The following DOCK1 variants were observed in gnomAD, a reference collection of about 807,000 sequenced individuals.
DOCK1 encodes dedicator of cytokinesis 1.
DOCK1 carries 138 observed loss-of-function variants against 262.7 expected under a neutral mutation model. That is an observed-to-expected ratio of 0.53 (90% CI 0.46 to 0.61). The LOEUF is 0.61. DOCK1 is among the 20% of genes least tolerant of loss of function. The probability of loss-of-function intolerance (pLI) is 0.00; values close to 1 mark genes in which losing one functional copy is unlikely to be tolerated. For synonymous variants in DOCK1, 866 were observed against 867.4 expected (o/e 1.00, Z 0.03); for missense variants, 1,908 against 2,370.7 (o/e 0.80, Z 4.05).
At chr10:127,306,409 A>G (rs2061877709) in intron 29 of DOCK1, among the ~76,000 whole-genome samples, 1 of 152,138 alleles carries the variant, frequency 6.6e-6, no homozygotes, top group African/African-American at 2.4e-5. Context: ...ATAGGTTTCC[A>G]CGTTCACCGA....
Position 126,981,901 on chromosome 10 carries a change from T to G in DOCK1, c.172-17T>G, listed in dbSNP as rs757088093. On this transcript the variant is annotated splice_polypyrimidine_tract_variant and intron_variant, in intron 3 of 51. Coordinates refer to ENST00000623213, the MANE Select transcript of DOCK1 (RefSeq NM_001290223.2). ...CTATTGATAATAAAAGCTACTGTTT[T>G]TTTTTTCCTCCCAAAGGGTATATTT... is the stretch of plus-strand genomic sequence containing the variant. The G allele has an allele frequency of 1.3e-5, 21 of 1,603,478 alleles. No individual in the cohort carries two copies. Among genetic ancestry groups the G allele is most frequent in the Admixed American group, 3.5e-5 (2 of 57,100 alleles).
At chr10:127,177,051 C>G (rs1006595128) in intron 27 of DOCK1, 1 of 151,988 alleles carries the variant, frequency 6.6e-6, no homozygotes, top group African/African-American at 2.4e-5. Flanking sequence ...TTAACATCAG[C>G]TCTAAAAGGA....
At chr10:127,441,681 A>C in intron 49 of DOCK1, among the ~76,000 whole-genome samples, 1 of 151,826 alleles carries the variant, frequency 6.6e-6, no homozygotes, top group Non-Finnish European at 1.5e-5. Flanking sequence ...CCCTGGGGAC[A>C]ACACCAGCCA....
chr10:127,095,839 GA>G (rs2047876035), intron 23 of DOCK1, among the ~76,000 whole-genome samples: 1 of 152,184 alleles, frequency 6.6e-6, no homozygotes, highest in Non-Finnish European at 1.5e-5. Context: ...ATTTGTGTAG[GA>G]ACTTGAACTG....
At position 127,032,187 on chromosome 10, in the gene DOCK1, C is replaced by T; in HGVS notation, c.1779C>T (p.Ser593=). 1 of 1,598,962 alleles carries T rather than the reference C, an allele frequency of 6.3e-7. No individual in the cohort carries two copies. Among genetic ancestry groups the T allele is most frequent in the Non-Finnish European group, 8.5e-7 (1 of 1,172,690 alleles). The change falls in exon 18 of 52, where the codon TCC becomes TCT. Residue 593 remains serine (S), a synonymous_variant. Transcript: ENST00000623213. ...CTGCCACGTACTTGAGTCTGCCCTC[C>T]ACGAAGGCAGAGTTGGAAGAAAAGG... is the stretch of plus-strand genomic sequence containing the variant. ...EDAATYLSLP[S]TKAELEEKGH... is the part of the protein sequence containing the mutation.
chr10:127,398,649 A>G (rs1013484077), intron 38 of DOCK1, among the ~76,000 whole-genome samples: 1 of 152,216 alleles, frequency 6.6e-6, no homozygotes, highest in African/African-American at 2.4e-5. Context: ...AACAGAACAG[A>G]TGAATTTTAG....
At chr10:127,086,517 T>C (rs1233033171) in intron 23 of DOCK1, among the ~76,000 whole-genome samples, 1 of 152,196 alleles carries the variant, frequency 6.6e-6, no homozygotes, top group Non-Finnish European at 1.5e-5. Flanking sequence ...TTATTGGATG[T>C]CATTATAAAT....
At chr10:127,290,558 CTT>C (rs1437900090) in intron 29 of DOCK1, among the ~76,000 whole-genome samples, 1 of 152,196 alleles carries the variant, frequency 6.6e-6, no homozygotes, top group African/African-American at 2.4e-5. Flanking sequence ...TTGTGTCACT[CTT>C]TTATAGGTCA....
Position 127,176,032 on chromosome 10 carries a change from G to C in DOCK1, c.2847+48268G>C, listed in dbSNP as rs756393627. 3.1e-6 allele frequency: 5 copies of C among 1,613,890 alleles called. No individual in the cohort carries two copies. The highest frequency in any genetic ancestry group is 2.7e-5 in the African/African-American group (2 of 74,874). ...AGGCTTTTGAGGTTCCCCTTTTTGCGGTCCAGAGGGAACGTCTGGTAACAC... is the reference window on the plus strand; with the variant it reads ...AGGCTTTTGAGGTTCCCCTTTTTGCCGTCCAGAGGGAACGTCTGGTAACAC... On this transcript the variant is annotated intron_variant, in intron 27 of 51. Coordinates refer to ENST00000623213, the MANE Select transcript of DOCK1 (RefSeq NM_001290223.2). The surrounding 1 kb of genome is among the most constrained non-coding windows in gnomAD (Gnocchi z 4.4).
chr10:127,332,908 C>A (rs2063045724), intron 29 of DOCK1, among the ~76,000 whole-genome samples: 1 of 152,176 alleles, frequency 6.6e-6, no homozygotes, highest in South Asian at 2.1e-4. Flanking sequence ...GTGACATTCT[C>A]TGCATCTCTA....
At chr10:127,428,774 G>A (rs1228868355) in intron 47 of DOCK1, among the ~76,000 whole-genome samples, 137 of 147,190 alleles carry the variant, frequency 9.3e-4, no homozygotes, top group African/African-American at 3.4e-3. Flanking sequence ...CGTGTGGACT[G>A]TGGTGCTGTG....
In DOCK1 at chr10:127,176,505, T is replaced by C; in HGVS notation, c.2847+48741T>C. ...CCACGACGACTGCCTGTTTCCTAAT[T>C]ATATTTAAGCAGGTGAGGTCGGCCT... On this transcript the variant is annotated intron_variant, in intron 27 of 51. Coordinates refer to ENST00000623213, the MANE Select transcript of DOCK1 (RefSeq NM_001290223.2). This position sits in a 1 kb window ranked among gnomAD's most constrained non-coding sequence, Gnocchi z 4.4. 1.1e-6 allele frequency: 1 copy of C among 940,536 alleles called. No homozygotes were observed. The highest frequency in any genetic ancestry group is 1.6e-6 in the Non-Finnish European group (1 of 632,226). 58.3% of individuals were successfully genotyped at this position (940,536 alleles called of 1,614,324 possible). A position where few individuals can be genotyped will look rare whatever the true frequency, so the allele number is the denominator to read the frequency against.
At chr10:127,411,006 C>A (rs2067815132) in intron 43 of DOCK1, 82 bp downstream of exon 43, 15 of 1,392,012 alleles carry the variant, frequency 1.1e-5, no homozygotes, top group African/African-American at 1.4e-5. Flanking sequence ...AGAAGCGTGG[C>A]CTCAGAGGCA....
At chr10:127,053,405 G>A (rs1278645273) in intron 22 of DOCK1, among the ~76,000 whole-genome samples, 1 of 152,174 alleles carries the variant, frequency 6.6e-6, no homozygotes, top group Non-Finnish European at 1.5e-5. Context: ...TGCCTCACTT[G>A]GGCAGACTCT....
chr10:127,172,100 TTTTG>T (rs770118410), intron 27 of DOCK1, among the ~76,000 whole-genome samples: 38 of 152,192 alleles, frequency 2.5e-4, no homozygotes, highest in Admixed American at 4.6e-4. Context: ...TGTTTTCTTT[TTTTG>T]TTTGTTTGTT....
At chr10:127,200,849 T>C (rs939130614) in intron 27 of DOCK1, among the ~76,000 whole-genome samples, 4 of 152,208 alleles carry the variant, frequency 2.6e-5, no homozygotes, top group African/African-American at 9.7e-5. Flanking sequence ...TGCCTAACTT[T>C]CTAAGAATGC....
chr10:127,296,553 G>A (rs984105819), intron 29 of DOCK1, among the ~76,000 whole-genome samples: 5 of 152,192 alleles, frequency 3.3e-5, no homozygotes, highest in Non-Finnish European at 5.9e-5. Context: ...AGATGCCGTC[G>A]AGGCTCTGTC....
chr10:127,217,599 T>G (rs1360159818), intron 27 of DOCK1, among the ~76,000 whole-genome samples: 1 of 152,242 alleles, frequency 6.6e-6, no homozygotes. Flanking sequence ...AATGATAAAG[T>G]CTTGTTTCAG....
chr10:127,329,466 C>T (rs1300891356), intron 29 of DOCK1, among the ~76,000 whole-genome samples: 2 of 145,442 alleles, frequency 1.4e-5, no homozygotes, highest in East Asian at 2.0e-4. Flanking sequence ...CTGGGGTGAA[C>T]GGACACTGGG....
Sources: allele counts gnomAD v4.1 joint callset (sites outside exome capture counted in the v4.1 genomes callset), GRCh38; gene constraint gnomAD v4.1.1; non-coding constraint Gnocchi (gnomAD v3.1); transcripts MANE v1.5; gene names NCBI Gene and HGNC (gene_info 2026-07-23, HGNC 2026-07-21).